Variants in UBE2H observed in about 807,000 individuals in gnomAD.
UBE2H encodes ubiquitin conjugating enzyme E2 H.
Under a neutral mutation model 29.0 loss-of-function variants are expected in UBE2H, and 3 were observed. The ratio of observed to expected loss-of-function variants is 0.10; its 90% CI spans 0.05 to 0.27. UBE2H has a LOEUF of 0.27. Among genes scored for constraint, UBE2H ranks in the 10% least tolerant of loss-of-function variants. The probability of loss-of-function intolerance (pLI) is 1.00; values close to 1 mark genes in which losing one functional copy is unlikely to be tolerated. For missense variants in UBE2H, 68 were observed against 228.2 expected (o/e 0.30, Z 4.52); for synonymous variants, 69 against 82.9 (o/e 0.83, Z 0.91).
chr7:129,879,973 C>CA (rs1313862253), intron 2 of UBE2H, among the ~76,000 whole-genome samples: 2 of 152,000 alleles, frequency 1.3e-5, no homozygotes, highest in African/African-American at 4.8e-5. Context: ...CCTCCAAGGC[C>CA]AAAAAGAAAA....
chr7:129,941,575 C>T (rs538898710), intron 1 of UBE2H, among the ~76,000 whole-genome samples: 225 of 152,178 alleles, frequency 1.5e-3, no homozygotes, highest in Non-Finnish European at 2.5e-3. Flanking sequence ...ACTAAAAGTT[C>T]CAGCTGTCAG....
chr7:129,842,258 C>G (rs1258080430), intron 5 of UBE2H, among the ~76,000 whole-genome samples: 1 of 152,206 alleles, frequency 6.6e-6, no homozygotes, highest in Non-Finnish European at 1.5e-5. Context: ...TGGCAAAACC[C>G]TGTCCCTACT....
intron 5 of UBE2H, among the ~76,000 whole-genome samples, chr7:129,854,203 A>C (rs1479703928): frequency 6.6e-6 from 1 of 151,882 alleles, no homozygotes; most frequent in East Asian, 1.9e-4. Flanking sequence ...CAGAGGCTTT[A>C]ACAGTTTCTA....
chr7:129,934,265 T>C (rs919315574), intron 1 of UBE2H, among the ~76,000 whole-genome samples: 3 of 151,696 alleles, frequency 2.0e-5, no homozygotes, highest in Admixed American at 6.6e-5. Context: ...GAGGTTGCAG[T>C]GAGCCGAGAA....
chr7:129,871,704 A>T (rs1806036895), intron 3 of UBE2H, among the ~76,000 whole-genome samples: 1 of 139,682 alleles, frequency 7.2e-6, no homozygotes, highest in African/African-American at 2.7e-5. Flanking sequence ...ACAGAACAAG[A>T]CTCTGTATCA....
intron 3 of UBE2H, among the ~76,000 whole-genome samples, chr7:129,872,637 T>C (rs1020950292): frequency 6.6e-6 from 1 of 151,810 alleles, no homozygotes; most frequent in African/African-American, 2.4e-5. Context: ...AGGTCAGGCA[T>C]TTAAGACCAG....
intron 3 of UBE2H, among the ~76,000 whole-genome samples, chr7:129,864,040 ACCTC>A: frequency 6.6e-6 from 1 of 152,054 alleles, no homozygotes; most frequent in Non-Finnish European, 1.5e-5. Context: ...TGATCCACCC[ACCTC>A]AGCCTCCAAA....
At chr7:129,895,114 A>G (rs1806573973) in intron 1 of UBE2H, among the ~76,000 whole-genome samples, 1 of 152,246 alleles carries the variant, frequency 6.6e-6, no homozygotes, top group South Asian at 2.1e-4. Flanking sequence ...AAATTATAAA[A>G]TAATTAGACA....
At chr7:129,945,801 C>T (rs1023617257) in intron 1 of UBE2H, among the ~76,000 whole-genome samples, 9 of 151,638 alleles carry the variant, frequency 5.9e-5, no homozygotes, top group East Asian at 1.9e-4. Context: ...AGTGCAATGG[C>T]GCAATCTCAG....
At position 129,938,467 on chromosome 7, in the gene UBE2H, C is replaced by A. The variant is rs148114571; in HGVS notation, c.53+14036G>T. Among the ~76,000 whole-genome samples, 968 of 141,328 alleles carry A rather than the reference C, an allele frequency of 6.8e-3. 9 individuals carry two copies. The highest frequency in any genetic ancestry group is 0.011 in the Non-Finnish European group (697 of 66,146). The allele number at this position is 141,328 out of a possible 152,430, so 92.7% of individuals were successfully genotyped here. On this transcript the variant is annotated intron_variant, in intron 1 of 6. Transcript: ENST00000355621. ...GGCTGGCTCATGCTTGCAATCCCAG[C>A]ACTTTGAAAGGCCGAGGCGGGTGGA...
intron 5 of UBE2H, among the ~76,000 whole-genome samples, chr7:129,851,852 A>T (rs1436128952): frequency 1.3e-5 from 2 of 152,216 alleles, no homozygotes; most frequent in Non-Finnish European, 2.9e-5. Context: ...TCATCTGAAG[A>T]TTTCCAAGCA....
At chr7:129,918,991 G>C (rs1009583365) in intron 1 of UBE2H, among the ~76,000 whole-genome samples, 40 of 151,000 alleles carry the variant, frequency 2.6e-4, no homozygotes, top group African/African-American at 9.5e-4. Context: ...GGCTGAGGTA[G>C]AAGGATCACT....
In UBE2H at chr7:129,839,198, T is replaced by G. The variant is rs762007111; in HGVS notation, c.427+9A>C. ...TTTTGTCTCCAGGTTAAACTACCCATCCTCTTACCTTTAATTTTCTGCTTG... is the reference window on the plus strand; with the variant it reads ...TTTTGTCTCCAGGTTAAACTACCCAGCCTCTTACCTTTAATTTTCTGCTTG... On this transcript the variant is annotated intron_variant, in intron 6 of 6. Transcript: ENST00000355621. 6.2e-7 allele frequency: 1 copy of G among 1,610,964 alleles called. No individual in the cohort carries two copies. The highest frequency in any genetic ancestry group is 8.5e-7 in the Non-Finnish European group (1 of 1,179,166).
intron 1 of UBE2H, among the ~76,000 whole-genome samples, chr7:129,928,412 C>T (rs756335308): frequency 2.6e-5 from 4 of 152,028 alleles, no homozygotes; most frequent in East Asian, 1.9e-4. Context: ...AGACCAGCCT[C>T]GCCAACATGG....
At chr7:129,896,887 C>G (rs1291487888) in intron 1 of UBE2H, among the ~76,000 whole-genome samples, 2 of 152,274 alleles carry the variant, frequency 1.3e-5, no homozygotes, top group East Asian at 3.9e-4. Flanking sequence ...GAAATATTTT[C>G]TTTGGCATTC....
intron 1 of UBE2H, among the ~76,000 whole-genome samples, chr7:129,895,594 AT>A (rs748250675): frequency 6.6e-6 from 1 of 152,020 alleles, no homozygotes; most frequent in Admixed American, 6.6e-5. Context: ...TCTCCCCAAA[AT>A]ATCTATTTAA....
chr7:129,842,215 A>G (rs1805441130), intron 5 of UBE2H, among the ~76,000 whole-genome samples: 1 of 152,208 alleles, frequency 6.6e-6, no homozygotes, highest in Admixed American at 6.5e-5. Flanking sequence ...TGGATCACAT[A>G]AGGCCAGGAG....
chr7:129,878,575 C>T (rs890845683), intron 3 of UBE2H, among the ~76,000 whole-genome samples: 5 of 149,142 alleles, frequency 3.4e-5, no homozygotes, highest in East Asian at 2.0e-4. Flanking sequence ...GCCAGCTACT[C>T]GGGAGGCTGA....
rs115374987 is a variant in UBE2H at position 129,909,049 on chromosome 7, C to G, written c.54-28078G>C. On this transcript the variant is annotated intron_variant, in intron 1 of 6. Transcript: ENST00000355621. ...TTAACTCTGGAATATTAGCCATCATCTATACCAATGCTTTTACTAAAAAAA... is the reference window on the plus strand; with the variant it reads ...TTAACTCTGGAATATTAGCCATCATGTATACCAATGCTTTTACTAAAAAAA... Among the ~76,000 whole-genome samples the G allele has an allele frequency of 3.7e-3, 568 of 152,326 alleles. 1 individual carries two copies. Among genetic ancestry groups the G allele is most frequent in the African/African-American group, 0.013 (531 of 41,566 alleles).
Sources: gnomAD v4.1 joint callset for allele counts (sites outside exome capture counted in the v4.1 genomes callset) on GRCh38, gnomAD v4.1.1 for gene constraint, MANE v1.5 for transcripts, NCBI Gene and HGNC (gene_info 2026-07-23, HGNC 2026-07-21) for gene names.